The following ARHGAP31 variants were observed in gnomAD, a reference collection of about 807,000 sequenced individuals.
ARHGAP31 encodes Rho GTPase activating protein 31, also known as rho GTPase-activating protein 31.
A neutral mutation model predicts 113.9 loss-of-function variants in ARHGAP31; 34 were observed. The observed-to-expected ratio is 0.30, with a 90% CI of 0.23 to 0.40. The LOEUF (loss-of-function observed/expected upper bound fraction) is 0.40, where lower values mean the gene tolerates loss of function less well. ARHGAP31 is among the 10% of genes least tolerant of loss of function. The pLI, the probability that ARHGAP31 is intolerant of heterozygous loss-of-function variation, is 1.00. For synonymous variants in ARHGAP31, 650 were observed against 684.8 expected, an observed-to-expected ratio of 0.95 and a Z score of 0.79; for missense variants, 1,548 against 1,767.1, an observed-to-expected ratio of 0.88 and a Z score of 2.22.
rs777218987 is a variant in ARHGAP31, at chr3:119,365,430, G to C, written c.203+12G>C. The C allele has an allele frequency of 6.2e-7, 1 of 1,605,884 alleles. No homozygotes were observed. The highest frequency in any genetic ancestry group is 1.1e-5 in the South Asian group (1 of 90,918). On this transcript the variant is annotated intron_variant, in intron 2 of 11. Coordinates refer to ENST00000264245, the MANE Select transcript of ARHGAP31 (RefSeq NM_020754.4). ...ATACAACGGCTAAGGTAAGCTAAAA[G>C]AATAGCCCTAAAAGAATTCTCCCAT...
chr3:119,316,905 G>A (rs369142090), intron 1 of ARHGAP31, among the ~76,000 whole-genome samples: 18 of 152,278 alleles, frequency 1.2e-4, no homozygotes, highest in African/African-American at 4.1e-4. Context: ...CTTTTGTGCC[G>A]CAGGTCACCC....
chr3:119,315,853 G>A (rs2079725937), intron 1 of ARHGAP31, among the ~76,000 whole-genome samples: 1 of 152,186 alleles, frequency 6.6e-6, no homozygotes, highest in Non-Finnish European at 1.5e-5. Flanking sequence ...GAAGGACAGA[G>A]AACTTGCCAA....
intron 1 of ARHGAP31, among the ~76,000 whole-genome samples, chr3:119,318,717 T>A (rs890196185): frequency 2.0e-5 from 3 of 152,232 alleles, no homozygotes; most frequent in Non-Finnish European, 4.4e-5. Context: ...TAATTCTAAT[T>A]TAATACTGTA....
intron 6 of ARHGAP31, among the ~76,000 whole-genome samples, chr3:119,386,350 C>T (rs996614097): frequency 2.6e-5 from 4 of 152,154 alleles, no homozygotes; most frequent in African/African-American, 9.7e-5. Flanking sequence ...GATCCAAGGG[C>T]CGGTAGATTC....
rs1344986836 is a variant in ARHGAP31 at position 119,397,506 on chromosome 3, A to G, written c.1007-1693A>G. Among the ~76,000 whole-genome samples the G allele has an allele frequency of 2.0e-5, 3 of 152,258 alleles. No individual in the cohort carries two copies. The South Asian group carries it at 6.2e-4, about 31-fold the overall frequency. ...TAGTTTCAGGGCAGTAAATCAATTT[A>G]TAGATTTGTGGAAATAGCAGATCTT... On this transcript the variant is annotated intron_variant, in intron 8 of 11. Transcript: ENST00000264245.
At chr3:119,299,607 T>C (rs1191786613) in intron 1 of ARHGAP31, among the ~76,000 whole-genome samples, 2 of 152,226 alleles carry the variant, frequency 1.3e-5, no homozygotes, top group Non-Finnish European at 2.9e-5. Flanking sequence ...ATGATTCTCT[T>C]TCTTTATCTA....
At position 119,416,040 on chromosome 3, in the gene ARHGAP31, G is replaced by A; in HGVS notation, c.4111G>A (p.Val1371Ile). 6.2e-7 allele frequency: 1 copy of A among 1,614,082 alleles called. No individual in the cohort carries two copies. Among genetic ancestry groups the A allele is most frequent in the South Asian group, 1.1e-5 (1 of 91,072 alleles). ...PPSSTVTDSK[V>I]LLSPIRSPTQ... ...TTCATCCACAGTGACAGATTCCAAG[G>A]TCCTGCTGTCCCCTATCAGAAGTCC... Residue 1371 changes from valine to isoleucine, a missense_variant, in exon 12 of 12, where the codon GTC becomes ATC. By Grantham distance (29) the Val-to-Ile change is conservative. Transcript: ENST00000264245.
At chr3:119,349,368 G>C (rs1426911253) in intron 1 of ARHGAP31, among the ~76,000 whole-genome samples, 1 of 152,150 alleles carries the variant, frequency 6.6e-6, no homozygotes, top group Non-Finnish European at 1.5e-5. Flanking sequence ...TTTTTGGTGA[G>C]TTATTCTATT....
At chr3:119,348,892 A>G (rs545580367) in intron 1 of ARHGAP31, among the ~76,000 whole-genome samples, 4 of 152,342 alleles carry the variant, frequency 2.6e-5, no homozygotes, top group East Asian at 1.9e-4. Flanking sequence ...GAGCAGAGGT[A>G]TAACAACTGT....
intron 6 of ARHGAP31, among the ~76,000 whole-genome samples, 174 bp downstream of exon 6, chr3:119,383,400 G>A (rs1197832122): frequency 6.6e-6 from 1 of 152,166 alleles, no homozygotes; most frequent in Non-Finnish European, 1.5e-5. Flanking sequence ...ATCTGTAAAT[G>A]TGGAGTGAAG....
intron 1 of ARHGAP31, 146 bp from the exon 2 acceptor site, chr3:119,365,170 T>G: frequency 1.5e-6 from 1 of 677,160 alleles, no homozygotes; most frequent in South Asian, 1.7e-5. Flanking sequence ...CACCTACCAC[T>G]TACAAGAAAT....
chr3:119,327,292 C>T (rs1389090041), intron 1 of ARHGAP31, among the ~76,000 whole-genome samples: 1 of 152,172 alleles, frequency 6.6e-6, no homozygotes, highest in Non-Finnish European at 1.5e-5. Flanking sequence ...CCTGTAATCC[C>T]AGCACTCTGG....
At chr3:119,334,345 C>T (rs1310443810) in intron 1 of ARHGAP31, among the ~76,000 whole-genome samples, 2 of 152,216 alleles carry the variant, frequency 1.3e-5, no homozygotes, top group African/African-American at 2.4e-5. Context: ...GCTCCCTTAT[C>T]CCTGAAGCCT....
At chr3:119,349,172 A>G (rs1417550168) in intron 1 of ARHGAP31, among the ~76,000 whole-genome samples, 1 of 152,152 alleles carries the variant, frequency 6.6e-6, no homozygotes, top group Non-Finnish European at 1.5e-5. Context: ...TTTTGTTGGG[A>G]TCTGTCAGAG....
chr3:119,361,885 A>G (rs569620427), intron 1 of ARHGAP31, among the ~76,000 whole-genome samples: 7 of 152,346 alleles, frequency 4.6e-5, no homozygotes, highest in African/African-American at 1.7e-4. Flanking sequence ...AATCCAGGAA[A>G]GCTAACACTT....
At chr3:119,368,546 T>A in intron 3 of ARHGAP31, 30 bp downstream of exon 3, 1 of 1,613,716 alleles carries the variant, frequency 6.2e-7, no homozygotes, top group South Asian at 1.1e-5. Context: ...TTATGGTTAC[T>A]GGGTGGGATG....
chr3:119,414,545 A>C lies in ARHGAP31; in HGVS notation c.2616A>C (p.Ser872=), dbSNP rs754191440. ...PSPTREVEIV[S]QEEEDVTHSV... The stretch of plus-strand genomic sequence containing the variant: ...CAACCAGGGAGGTTGAGATCGTCTC[A>C]CAAGAAGAGGAGGATGTAACCCATT... Residue 872 remains serine, a synonymous_variant, in exon 12 of 12, where the codon TCA becomes TCC. Transcript: ENST00000264245. The C allele has an allele frequency of 3.3e-5, 53 of 1,614,108 alleles. No homozygotes were observed. Among genetic ancestry groups the C allele is most frequent in the Non-Finnish European group, 4.2e-5 (50 of 1,180,046 alleles).
At chr3:119,393,788 A>G (rs2080524877) in intron 8 of ARHGAP31, among the ~76,000 whole-genome samples, 197 bp downstream of exon 8, 1 of 152,226 alleles carries the variant, frequency 6.6e-6, no homozygotes, top group Non-Finnish European at 1.5e-5. Flanking sequence ...GAGAACCTGT[A>G]TACCCTTCAT....
chr3:119,352,367 G>A (rs548164625), intron 1 of ARHGAP31, among the ~76,000 whole-genome samples: 2 of 152,078 alleles, frequency 1.3e-5, no homozygotes, highest in Non-Finnish European at 2.9e-5. Flanking sequence ...TGGCTCATTC[G>A]CTACTGATGA....
Sources: allele counts gnomAD v4.1 joint callset (sites outside exome capture counted in the v4.1 genomes callset), GRCh38; gene constraint gnomAD v4.1.1; transcripts MANE v1.5; gene names NCBI Gene and HGNC (gene_info 2026-07-23, HGNC 2026-07-21).